BCL2: variants seen among roughly 807,000 people sequenced by gnomAD.
BCL2 encodes apoptosis regulator Bcl-2.
In BCL2, 1 loss-of-function variant was observed where a neutral mutation model predicts 14.2. The observed-to-expected ratio is 0.07, with a 90% CI of 0.02 to 0.33. The LOEUF is 0.33. BCL2 is among the 10% of genes least tolerant of loss of function. The pLI, the probability that BCL2 is intolerant of heterozygous loss-of-function variation, is 0.99. For synonymous variants in BCL2, 151 were observed against 137.2 expected, an observed-to-expected ratio of 1.10 and a Z score of -0.70; for missense variants, 247 against 305.9, an observed-to-expected ratio of 0.81 and a Z score of 1.44.
At chr18:63,194,667 A>G (rs1397473332) in intron 2 of BCL2, among the ~76,000 whole-genome samples, 2 of 152,266 alleles carry the variant, frequency 1.3e-5, no homozygotes, top group Non-Finnish European at 2.9e-5. Flanking sequence ...CAAAAAAATC[A>G]GCAGATAACT....
chr18:63,215,683 A>G lies in BCL2; in HGVS notation c.586-86924T>C, dbSNP rs1040455031. On this transcript the variant is annotated intron_variant, in intron 2 of 2. Coordinates refer to ENST00000333681, the MANE Select transcript of BCL2 (RefSeq NM_000633.3). ...AAAAAGTAAATAAGTGAAAAATGAA[A>G]GCAAGTGTCCATGATAAGAACCGCA... Among the ~76,000 whole-genome samples, 9 of 152,176 alleles carry G rather than the reference A, an allele frequency of 5.9e-5. No homozygotes were observed. In the East Asian group the frequency reaches 1.2e-3, roughly 20 times the overall value.
chr18:63,285,642 G>A (rs1284602941), intron 2 of BCL2, among the ~76,000 whole-genome samples: 2 of 152,072 alleles, frequency 1.3e-5, no homozygotes, highest in Non-Finnish European at 2.9e-5. Flanking sequence ...CATGTGGTAC[G>A]GTTCTTACAC....
intron 2 of BCL2, among the ~76,000 whole-genome samples, chr18:63,236,434 ATAAT>A (rs35764546): frequency 0.8 from 122,087 of 151,730 alleles, 50,709 homozygotes; most frequent in Non-Finnish European, 0.92. Context: ...CTATTGTCCC[ATAAT>A]GTCAACGCCC....
At chr18:63,139,370 A>G (rs1439276150) in intron 2 of BCL2, among the ~76,000 whole-genome samples, 2 of 152,268 alleles carry the variant, frequency 1.3e-5, no homozygotes, top group Admixed American at 1.3e-4. Flanking sequence ...GGCCGTATCT[A>G]TATGACCTTG....
chr18:63,189,189 T>TAAAAAA (rs34498028), intron 2 of BCL2, among the ~76,000 whole-genome samples: 1 of 135,358 alleles, frequency 7.4e-6, no homozygotes, highest in Non-Finnish European at 1.6e-5. Context: ...TAACAGCATA[T>TAAAAAA]AAAAAAAAAA....
chr18:63,267,057 TC>T (rs1911853797), intron 2 of BCL2, among the ~76,000 whole-genome samples: 1 of 151,622 alleles, frequency 6.6e-6, no homozygotes, highest in Non-Finnish European at 1.5e-5. Flanking sequence ...TGTGCAAAGG[TC>T]AGGAGGTGAG....
intron 2 of BCL2, among the ~76,000 whole-genome samples, chr18:63,228,686 T>A (rs12970504): frequency 6.7e-6 from 1 of 149,742 alleles, no homozygotes; most frequent in Non-Finnish European, 1.5e-5. Context: ...ACGGATCTGA[T>A]AAAACAGACT....
chr18:63,146,967 C>T (rs8095077), intron 2 of BCL2, among the ~76,000 whole-genome samples: 5,774 of 152,234 alleles, frequency 0.038, 182 homozygotes, highest in African/African-American at 0.071. Flanking sequence ...TACCTTTTGG[C>T]GAGAAAACAA....
chr18:63,237,144 C>CCA (rs1910860805), intron 2 of BCL2, among the ~76,000 whole-genome samples: 1 of 152,106 alleles, frequency 6.6e-6, no homozygotes, highest in Non-Finnish European at 1.5e-5. Flanking sequence ...CACCTCTATA[C>CCA]CACGACCCCT....
chr18:63,263,577 C>T (rs1198995255), intron 2 of BCL2, among the ~76,000 whole-genome samples: 1 of 152,140 alleles, frequency 6.6e-6, no homozygotes. Flanking sequence ...ATCTGTTTCT[C>T]CCGTTTCTAG....
chr18:63,177,171 T>C (rs1436731849), intron 2 of BCL2, among the ~76,000 whole-genome samples: 3 of 152,020 alleles, frequency 2.0e-5, no homozygotes, highest in Admixed American at 2.0e-4. Flanking sequence ...CCCGCTTCCA[T>C]AGGGGTGAGT....
chr18:63,245,958 C>T (rs1026879696), intron 2 of BCL2, among the ~76,000 whole-genome samples: 2 of 152,268 alleles, frequency 1.3e-5, no homozygotes, highest in South Asian at 4.1e-4. Context: ...CCACAACTTT[C>T]CTCTAAGAAA....
chr18:63,308,332 TACAAC>T (rs1599304598), intron 2 of BCL2, among the ~76,000 whole-genome samples: 1 of 152,234 alleles, frequency 6.6e-6, no homozygotes, highest in African/African-American at 2.4e-5. Context: ...ATATTTGAGC[TACAAC>T]ACTGATCAGA....
In BCL2 at chr18:63,289,774, A is replaced by G. The variant is rs369248689; in HGVS notation, c.585+28308T>C. Among the ~76,000 whole-genome samples, 28 of 152,224 alleles carry G rather than the reference A, an allele frequency of 1.8e-4. 2 individuals are homozygous for G. Among genetic ancestry groups the G allele is most frequent in the South Asian group, 8.3e-4 (4 of 4,828 alleles). On this transcript the variant is annotated intron_variant, in intron 2 of 2. Transcript: ENST00000333681. ...CCAGGCATGGTGGTGCATGCCTGTA[A>G]TCCTAGCTACTTGAAAGGCTGAGGC...
chr18:63,207,324 C>T lies in BCL2; in HGVS notation c.586-78565G>A, dbSNP rs193079185. Among the ~76,000 whole-genome samples, 548 of 152,182 alleles carry T rather than the reference C, an allele frequency of 3.6e-3. 14 individuals carry two copies. Among genetic ancestry groups the T allele is most frequent in the Admixed American group, 0.03 (465 of 15,298 alleles). On this transcript the variant is annotated intron_variant, in intron 2 of 2. Coordinates refer to ENST00000333681, the MANE Select transcript of BCL2 (RefSeq NM_000633.3). ...CCACAAAACTGCACCTGGCTGTGGC[C>T]GTCAGTAAGTGCTATATAAATGCTT... is the stretch of plus-strand genomic sequence containing the variant.
chr18:63,318,631 C>T lies in BCL2; in HGVS notation c.36G>A (p.Arg12=), dbSNP rs1414251123. 6.2e-7 allele frequency: 1 copy of T among 1,613,392 alleles called. No individual in the cohort carries two copies. The highest frequency in any genetic ancestry group is 1.7e-5 in the Admixed American group (1 of 60,006). ...AATGGATGTACTTCATCACTATCTC[C>T]CGGTTATCGTACCCTGTTCTCCCAG... ...AHAGRTGYDN[R]EIVMKYIHYK... Residue 12 remains arginine (R), a synonymous_variant, in exon 2 of 3, where the codon CGG becomes CGA. Coordinates refer to ENST00000333681, the MANE Select transcript of BCL2 (RefSeq NM_000633.3). The surrounding 1 kb of genome is among the most constrained non-coding windows in gnomAD (Gnocchi z 7.4).
intron 2 of BCL2, among the ~76,000 whole-genome samples, chr18:63,285,842 T>A (rs761398031): frequency 2.6e-5 from 4 of 152,186 alleles, no homozygotes; most frequent in Non-Finnish European, 5.9e-5. Flanking sequence ...AAGCATGTCT[T>A]TGTGGTCCAT....
intron 2 of BCL2, among the ~76,000 whole-genome samples, chr18:63,141,051 G>A (rs142080782): frequency 1.3e-5 from 2 of 152,080 alleles, no homozygotes; most frequent in South Asian, 2.1e-4. Flanking sequence ...GTTAGGGGTC[G>A]GATGCATGAG....
intron 2 of BCL2, among the ~76,000 whole-genome samples, chr18:63,274,277 C>CTTTTTTTTTTTT (rs74169950): frequency 2.4e-4 from 21 of 86,752 alleles, no homozygotes; most frequent in African/African-American, 7.0e-4. Flanking sequence ...TAAAGATACT[C>CTTTTTTTTTTTT]TTTTTTTTTT....
Sources: allele counts gnomAD v4.1 joint callset (sites outside exome capture counted in the v4.1 genomes callset), GRCh38; gene constraint gnomAD v4.1.1; non-coding constraint Gnocchi (gnomAD v3.1); transcripts MANE v1.5; gene names NCBI Gene and HGNC (gene_info 2026-07-23, HGNC 2026-07-21).